The following COL10A1 variants were observed in gnomAD, a reference collection of about 807,000 sequenced individuals.
COL10A1 encodes the protein collagen type X alpha 1 chain, also known as collagen alpha-1(X) chain.
A neutral mutation model predicts 18.2 loss-of-function variants in COL10A1; 10 were observed. The observed-to-expected ratio is 0.55, with a 90% CI of 0.34 to 0.93. COL10A1 has a LOEUF of 0.93. Among genes scored for constraint, COL10A1 ranks in the 40% least tolerant of loss-of-function variants. The pLI, the probability that COL10A1 is intolerant of heterozygous loss-of-function variation, is 0.02. For synonymous variants in COL10A1, 330 were observed against 316.6 expected (o/e 1.04, Z -0.45); for missense variants, 897 against 853.5 (o/e 1.05, Z -0.64).
the COL10A1 span, among the ~76,000 whole-genome samples, chr6:116,171,693 T>C: frequency 4.6e-5 from 7 of 152,218 alleles, no homozygotes. Flanking sequence ...TATTCTACTT[T>C]TGAATTTAAA....
chr6:116,208,166 C>T, the COL10A1 span, among the ~76,000 whole-genome samples: 2 of 151,942 alleles, frequency 1.3e-5, no homozygotes, highest in African/African-American at 2.4e-5. Context: ...TCTCTTTGTG[C>T]CTCAAAGCTA....
At chr6:116,172,637 A>G in the COL10A1 span, among the ~76,000 whole-genome samples, 1 of 152,102 alleles carries the variant, frequency 6.6e-6, no homozygotes, top group Non-Finnish European at 1.5e-5. Flanking sequence ...AGTAACATAT[A>G]TACTTTGTAA....
chr6:116,173,917 C>A, the COL10A1 span, among the ~76,000 whole-genome samples: 1 of 152,128 alleles, frequency 6.6e-6, no homozygotes, highest in Non-Finnish European at 1.5e-5. Flanking sequence ...CCCATAATCC[C>A]ATTCAGGATA....
At chr6:116,205,171 A>G in the COL10A1 span, among the ~76,000 whole-genome samples, 1 of 152,052 alleles carries the variant, frequency 6.6e-6, no homozygotes, top group East Asian at 1.9e-4. Flanking sequence ...ATCATTACAG[A>G]CAGAAACTAA....
At position 116,120,593 on chromosome 6, in the gene COL10A1, C is replaced by T. The variant is rs1462567472; in HGVS notation, c.1523G>A (p.Gly508Glu). ...RGHSGEPGLPGPPGPPGPPGQ... is the reference protein window; with the variant it reads ...RGHSGEPGLPEPPGPPGPPGQ... ...TGGTGGGCCTGGAGGCCCAGGGGGC[C>T]CTGGAAGACCAGGCTCTCCAGAGTG... is the stretch of plus-strand genomic sequence containing the variant. The change falls in exon 3 of 3, where the codon GGG becomes GAG. Residue 508 changes from glycine (G) to glutamate (E), a missense_variant. Transcript: ENST00000651968. 1 of 1,585,924 alleles carries T rather than the reference C, an allele frequency of 6.3e-7. No individual in the cohort carries two copies. Among genetic ancestry groups the T allele is most frequent in the Non-Finnish European group, 8.6e-7 (1 of 1,169,416 alleles).
At chr6:116,177,256 G>T in the COL10A1 span, among the ~76,000 whole-genome samples, 3 of 152,056 alleles carry the variant, frequency 2.0e-5, no homozygotes, top group African/African-American at 7.2e-5. Flanking sequence ...TCCCTTGACT[G>T]TTTATAACAT....
chr6:116,177,376 C>G, the COL10A1 span, among the ~76,000 whole-genome samples: 1 of 152,036 alleles, frequency 6.6e-6, no homozygotes, highest in Admixed American at 6.6e-5. Flanking sequence ...AAAATCTAGA[C>G]TTTATTATTT....
chr6:116,199,434 A>G, the COL10A1 span, among the ~76,000 whole-genome samples: 1 of 152,150 alleles, frequency 6.6e-6, no homozygotes, highest in South Asian at 2.1e-4. Flanking sequence ...TCCTTTAACT[A>G]CTCTAAGCCT....
At chr6:116,160,334 C>G (rs1384791507), upstream of COL10A1, among the ~76,000 whole-genome samples, 1 of 151,970 alleles carries the variant, frequency 6.6e-6, no homozygotes, top group African/African-American at 2.4e-5. Flanking sequence ...TGGCATCTCA[C>G]TGTGGTTTTA....
the COL10A1 span, among the ~76,000 whole-genome samples, chr6:116,166,302 G>A: frequency 6.6e-6 from 1 of 152,114 alleles, no homozygotes; most frequent in Non-Finnish European, 1.5e-5. Context: ...TTCTCTCTGA[G>A]GATAACTGAC....
the COL10A1 span, among the ~76,000 whole-genome samples, chr6:116,170,061 T>C: frequency 6.6e-6 from 1 of 152,190 alleles, no homozygotes; most frequent in Non-Finnish European, 1.5e-5. Context: ...ATAAGCGACA[T>C]TGTCCATAGC....
At chr6:116,154,794 G>C (rs1008510012) in intron 1 of COL10A1, among the ~76,000 whole-genome samples, 1 of 152,128 alleles carries the variant, frequency 6.6e-6, no homozygotes, top group Non-Finnish European at 1.5e-5. Flanking sequence ...TTACGCCTCA[G>C]GATTAATAAC....
the COL10A1 span, among the ~76,000 whole-genome samples, chr6:116,211,693 G>A: frequency 1.3e-5 from 2 of 152,026 alleles, no homozygotes; most frequent in Non-Finnish European, 2.9e-5. Flanking sequence ...TACAAATTCT[G>A]TACTACCTAT....
chr6:116,120,908 G>A lies in COL10A1; in HGVS notation c.1208C>T (p.Pro403Leu), dbSNP rs1779099060. Reference sequence around the variant, plus strand: ...ATCACCTTTTGGACCTGGTAACCCTGGGTTACCCTTAGGACCATCGAGACC... The same window carrying A: ...ATCACCTTTTGGACCTGGTAACCCTAGGTTACCCTTAGGACCATCGAGACC... ...KPGLDGPKGN[P>L]GLPGPKGDPG... is the part of the protein sequence containing the mutation. The change falls in exon 3 of 3, where the codon CCA becomes CTA. Residue 403 changes from proline to leucine, a missense_variant. Transcript: ENST00000651968. 1 of 1,613,910 alleles carries A rather than the reference G, an allele frequency of 6.2e-7. No homozygotes were observed. Among genetic ancestry groups the A allele is most frequent in the Non-Finnish European group, 8.5e-7 (1 of 1,179,916 alleles).
chr6:116,175,210 A>T, the COL10A1 span, among the ~76,000 whole-genome samples: 1 of 152,150 alleles, frequency 6.6e-6, no homozygotes, highest in Non-Finnish European at 1.5e-5. Flanking sequence ...CATTTCCAGG[A>T]AGTTTCTTTG....
intron 2 of COL10A1, 89 bp from the exon 3 acceptor site, chr6:116,122,050 A>G (rs768673236): frequency 1.3e-5 from 14 of 1,111,212 alleles, no homozygotes; most frequent in Non-Finnish European, 1.9e-5. Flanking sequence ...ATGAATTGGG[A>G]CACGATATTT....
At chr6:116,207,249 G>T in the COL10A1 span, among the ~76,000 whole-genome samples, 1 of 151,774 alleles carries the variant, frequency 6.6e-6, no homozygotes, top group Non-Finnish European at 1.5e-5. Context: ...TATGTCTTAA[G>T]AAATCATGGG....
At chr6:116,174,692 G>T in the COL10A1 span, among the ~76,000 whole-genome samples, 1 of 152,048 alleles carries the variant, frequency 6.6e-6, no homozygotes, top group Non-Finnish European at 1.5e-5. Flanking sequence ...ACAGGTACTT[G>T]TTTTCTCTCC....
chr6:116,140,652 C>T (rs961593547), intron 1 of COL10A1, among the ~76,000 whole-genome samples: 4 of 152,086 alleles, frequency 2.6e-5, no homozygotes, highest in Admixed American at 6.6e-5. Flanking sequence ...CTCTGTCCTT[C>T]TAGAAAGTAT....
Sources: gnomAD v4.1 joint callset for allele counts (sites outside exome capture counted in the v4.1 genomes callset) on GRCh38, gnomAD v4.1.1 for gene constraint, MANE v1.5 for transcripts, NCBI Gene and HGNC (gene_info 2026-07-23, HGNC 2026-07-21) for gene names.